Variants in BABAM2 observed in about 807,000 individuals in gnomAD.
BABAM2 encodes the protein BRISC and BRCA1-A complex member 2.
A neutral mutation model predicts 54.7 loss-of-function variants in BABAM2; 31 were observed. The ratio of observed to expected loss-of-function variants is 0.57; its 90% CI spans 0.43 to 0.77. The LOEUF (loss-of-function observed/expected upper bound fraction) is 0.77. BABAM2 is among the 30% of genes least tolerant of loss of function. The pLI is 0.00. For synonymous variants in BABAM2, 167 were observed against 162.9 expected, an observed-to-expected ratio of 1.03 and a Z score of -0.19; for missense variants, 364 against 455.8, an observed-to-expected ratio of 0.80 and a Z score of 1.83.
At chr2:28,287,587 C>G (rs1341708294) in intron 10 of BABAM2, among the ~76,000 whole-genome samples, 1 of 152,176 alleles carries the variant, frequency 6.6e-6, no homozygotes, top group Admixed American at 6.5e-5. Flanking sequence ...AACAATCCCC[C>G]TGAGAAGTGG....
chr2:28,308,175 G>GA, intron 11 of BABAM2: 1 of 324,682 alleles, frequency 3.1e-6, no homozygotes, highest in Non-Finnish European at 6.0e-6. Context: ...CACCAAAAGT[G>GA]AAAAAAGTTC....
At chr2:27,978,802 C>T (rs566820847) in intron 3 of BABAM2, among the ~76,000 whole-genome samples, 1 of 152,164 alleles carries the variant, frequency 6.6e-6, no homozygotes, top group African/African-American at 2.4e-5. Flanking sequence ...CACCCTCCAC[C>T]CTCAAGTAGG....
chr2:28,173,687 T>A (rs141173058), intron 7 of BABAM2, among the ~76,000 whole-genome samples: 2 of 152,368 alleles, frequency 1.3e-5, no homozygotes, highest in African/African-American at 4.8e-5. Flanking sequence ...TTGCTGTTTT[T>A]AGACTTTTAA....
intron 5 of BABAM2, among the ~76,000 whole-genome samples, chr2:28,028,116 C>T (rs1405401516): frequency 3.9e-5 from 6 of 152,056 alleles, no homozygotes; most frequent in Admixed American, 6.6e-5. Flanking sequence ...ATTATAAATG[C>T]ATGCATTTAA....
intron 3 of BABAM2, among the ~76,000 whole-genome samples, chr2:27,969,642 G>A (rs181447245): frequency 3.3e-5 from 5 of 152,258 alleles, no homozygotes; most frequent in African/African-American, 1.2e-4. Context: ...GGATGGCCAC[G>A]ATTTCTGGCA....
intron 6 of BABAM2, among the ~76,000 whole-genome samples, chr2:28,077,314 C>T (rs558307820): frequency 5.9e-5 from 9 of 152,246 alleles, no homozygotes; most frequent in South Asian, 2.1e-4. Flanking sequence ...TATTGTGTTT[C>T]GTTCCTATAT....
intron 10 of BABAM2, among the ~76,000 whole-genome samples, chr2:28,290,190 A>G (rs189901256): frequency 6.6e-6 from 1 of 152,188 alleles, no homozygotes; most frequent in Admixed American, 6.5e-5. Context: ...GCTGTAAGGT[A>G]TTCCTGTGAA....
intron 6 of BABAM2, among the ~76,000 whole-genome samples, chr2:28,108,731 T>C (rs576401518): frequency 6.6e-6 from 1 of 152,340 alleles, no homozygotes; most frequent in East Asian, 1.9e-4. Flanking sequence ...TTGATCTCTC[T>C]TCCTCTTTGG....
chr2:28,040,736 T>C (rs1001554497), intron 5 of BABAM2, among the ~76,000 whole-genome samples: 2 of 152,238 alleles, frequency 1.3e-5, no homozygotes, highest in African/African-American at 4.8e-5. Flanking sequence ...TAAAGTGCTT[T>C]TTATGGTTTC....
At chr2:28,100,628 A>T (rs1249359869) in intron 6 of BABAM2, among the ~76,000 whole-genome samples, 1 of 152,144 alleles carries the variant, frequency 6.6e-6, no homozygotes, top group Non-Finnish European at 1.5e-5. Context: ...AGTACATGTA[A>T]CTATTCAAAT....
intron 6 of BABAM2, among the ~76,000 whole-genome samples, chr2:28,081,199 C>A (rs1665141128): frequency 6.6e-6 from 1 of 152,190 alleles, no homozygotes; most frequent in Non-Finnish European, 1.5e-5. Flanking sequence ...AGAGCGCCTG[C>A]TTCCATCCAG....
intron 6 of BABAM2, among the ~76,000 whole-genome samples, chr2:28,069,295 C>G (rs1451393888): frequency 6.6e-6 from 1 of 152,138 alleles, no homozygotes; most frequent in African/African-American, 2.4e-5. Flanking sequence ...GATTGTTACT[C>G]ATGTATTCAT....
At chr2:28,288,960 T>TTG (rs1687051520) in intron 10 of BABAM2, among the ~76,000 whole-genome samples, 1 of 151,042 alleles carries the variant, frequency 6.6e-6, no homozygotes, top group East Asian at 1.9e-4. Flanking sequence ...CTGTGGGTTG[T>TTG]TGTTTTTTTT....
chr2:28,285,573 CAT>C (rs1028561159), intron 10 of BABAM2, among the ~76,000 whole-genome samples: 3 of 152,158 alleles, frequency 2.0e-5, no homozygotes, highest in African/African-American at 7.2e-5. Context: ...TATGAGGAAA[CAT>C]GTAATCCTTC....
chr2:28,217,067 C>T (rs1394764451), intron 7 of BABAM2, among the ~76,000 whole-genome samples: 3 of 152,150 alleles, frequency 2.0e-5, no homozygotes, highest in East Asian at 1.9e-4. Flanking sequence ...TGCCACCTGC[C>T]GTCTGCCCTC....
intron 7 of BABAM2, among the ~76,000 whole-genome samples, chr2:28,138,679 A>G (rs763963047): frequency 9.9e-5 from 15 of 151,930 alleles, no homozygotes; most frequent in Non-Finnish European, 2.1e-4. Flanking sequence ...TACTTCTCCC[A>G]TGTTCTTTAT....
chr2:28,323,548 A>G (rs958059584), intron 11 of BABAM2, among the ~76,000 whole-genome samples: 3 of 152,200 alleles, frequency 2.0e-5, no homozygotes, highest in African/African-American at 7.2e-5. Context: ...CACTTTGCAG[A>G]TGAGGCATCT....
At chr2:28,043,184 A>G (rs1407959947) in intron 5 of BABAM2, among the ~76,000 whole-genome samples, 1 of 146,434 alleles carries the variant, frequency 6.8e-6, no homozygotes, top group Non-Finnish European at 1.5e-5. Flanking sequence ...GCTAGAGTGC[A>G]GTGGTGTGAT....
intron 3 of BABAM2, among the ~76,000 whole-genome samples, chr2:27,930,834 G>A (rs958316251): frequency 6.6e-6 from 1 of 152,234 alleles, no homozygotes; most frequent in Non-Finnish European, 1.5e-5. Flanking sequence ...TGGTTGGTTA[G>A]TGTTGGTAAT....
Sources: allele counts gnomAD v4.1 joint callset (sites outside exome capture counted in the v4.1 genomes callset), GRCh38; gene constraint gnomAD v4.1.1; transcripts MANE v1.5; gene names NCBI Gene and HGNC (gene_info 2026-07-23, HGNC 2026-07-21).